RNF220: variants seen among roughly 807,000 people sequenced by gnomAD.
The protein encoded by RNF220 is E3 ubiquitin-protein ligase RNF220.
A neutral mutation model predicts 67.1 loss-of-function variants in RNF220; 7 were observed. That is an observed-to-expected ratio of 0.10 (90% CI 0.06 to 0.20). The LOEUF (loss-of-function observed/expected upper bound fraction) is 0.20, where lower values mean the gene tolerates loss of function less well. RNF220 is among the 10% of genes least tolerant of loss of function. The pLI is 1.00. For synonymous variants in RNF220, 270 were observed against 283.2 expected (o/e 0.95, Z 0.47); for missense variants, 565 against 740.3 (o/e 0.76, Z 2.75).
At chr1:44,509,642 C>T (rs938889996) in intron 2 of RNF220, among the ~76,000 whole-genome samples, 17 of 151,736 alleles carry the variant, frequency 1.1e-4, no homozygotes, top group Admixed American at 4.6e-4. Context: ...AATCCAAGCA[C>T]TTTGGGAGCC....
intron 2 of RNF220, among the ~76,000 whole-genome samples, chr1:44,594,266 C>T (rs1666313588): frequency 6.6e-6 from 1 of 151,896 alleles, no homozygotes. Flanking sequence ...CGCTTTGCCT[C>T]CCCCCCTCCC....
At chr1:44,561,335 C>A (rs1399236503) in intron 2 of RNF220, among the ~76,000 whole-genome samples, 2 of 152,090 alleles carry the variant, frequency 1.3e-5, no homozygotes, top group Admixed American at 1.3e-4. Flanking sequence ...CATGGTGAAA[C>A]CCCATCTCTA....
chr1:44,568,474 T>G (rs928141670), intron 2 of RNF220, among the ~76,000 whole-genome samples: 2 of 152,250 alleles, frequency 1.3e-5, no homozygotes, highest in Non-Finnish European at 2.9e-5. Context: ...CCTAGCACAG[T>G]GCCTGGCCAC....
intron 2 of RNF220, among the ~76,000 whole-genome samples, chr1:44,548,138 C>T (rs558952047): frequency 4.3e-4 from 65 of 152,264 alleles, no homozygotes; most frequent in African/African-American, 1.6e-3. Flanking sequence ...CTGTGGATTC[C>T]TTATCGTCCC....
rs1553208916 is a variant in RNF220 at position 44,405,385 on chromosome 1, T to TGCTGCTGCTGCTGCTGCC, written c.-252_-251insTGCTGCCGCTGCTGCTGC. 3.2e-6 allele frequency: 2 copies of TGCTGCTGCTGCTGCTGCC among 627,400 alleles called. No homozygotes were observed. Among genetic ancestry groups the TGCTGCTGCTGCTGCTGCC allele is most frequent in the East Asian group, 3.3e-5 (1 of 30,686 alleles). The allele number at this position is 627,400 out of a possible 1,614,324, so 38.9% of individuals were successfully genotyped here. ...CCCGGGGCCAGCCGCCTACTGCTGC[T>TGCTGCTGCTGCTGCTGCC]GCTGCTGCTGCCGCTGCCGCCGCCG... On this transcript the variant is annotated 5_prime_UTR_variant, in exon 1 of 15. Transcript: ENST00000361799.
At chr1:44,623,777 A>G (rs968063246) in intron 4 of RNF220, among the ~76,000 whole-genome samples, 20 of 152,172 alleles carry the variant, frequency 1.3e-4, no homozygotes, top group Non-Finnish European at 1.9e-4. Context: ...CAGAGGAGGA[A>G]CACTCAGTGA....
At chr1:44,599,638 A>G (rs1325541691) in intron 2 of RNF220, among the ~76,000 whole-genome samples, 1 of 152,210 alleles carries the variant, frequency 6.6e-6, no homozygotes. Flanking sequence ...CCTGGGCAAA[A>G]GAGTGAGACC....
In RNF220 at chr1:44,649,225, A is replaced by C; in HGVS notation, c.1446-436A>C. On this transcript the variant is annotated intron_variant, in intron 12 of 14. Coordinates refer to ENST00000361799, the MANE Select transcript of RNF220 (RefSeq NM_018150.4). The surrounding 1 kb of genome is among the most constrained non-coding windows in gnomAD (Gnocchi z 5.9). Reference sequence around the variant, plus strand: ...ACCACGAGAGATTTGCTTTGAGAACATAAATTCCTCTAGGCGCTGGGAGAG... The same window carrying C: ...ACCACGAGAGATTTGCTTTGAGAACCTAAATTCCTCTAGGCGCTGGGAGAG... 4.8e-6 allele frequency: 1 copy of C among 208,192 alleles called. No individual in the cohort carries two copies. The highest frequency in any genetic ancestry group is 9.8e-6 in the Non-Finnish European group (1 of 101,558). The allele number at this position is 208,192 out of a possible 1,614,324, so 12.9% of individuals were successfully genotyped here.
rs542526341 is a variant in RNF220 at position 44,650,386 on chromosome 1, C to T, written c.1630-318C>T. The T allele has an allele frequency of 9.9e-4, 470 of 474,216 alleles. 9 individuals are homozygous for T. In the South Asian group the frequency reaches 0.011, roughly 12 times the overall value. 29.4% of individuals were successfully genotyped at this position (474,216 alleles called of 1,614,324 possible). On this transcript the variant is annotated intron_variant, in intron 14 of 14. Transcript: ENST00000361799. The surrounding 1 kb of genome is among the most constrained non-coding windows in gnomAD (Gnocchi z 4.3). Reference sequence around the variant, plus strand: ...CGCCCGGAGACAGTAATAAAAGGCTCGGACGTGGGCTCTGTGTCCTGATCA... The same window carrying T: ...CGCCCGGAGACAGTAATAAAAGGCTTGGACGTGGGCTCTGTGTCCTGATCA...
At chr1:44,573,546 A>C (rs1664596152) in intron 2 of RNF220, among the ~76,000 whole-genome samples, 1 of 152,228 alleles carries the variant, frequency 6.6e-6, no homozygotes, top group African/African-American at 2.4e-5. Flanking sequence ...GCAAGCCTGG[A>C]AGGAAATCAG....
chr1:44,407,421 G>C (rs2147789884), intron 1 of RNF220, among the ~76,000 whole-genome samples: 1 of 152,352 alleles, frequency 6.6e-6, no homozygotes, highest in Non-Finnish European at 1.5e-5. Context: ...GGAATGAGCA[G>C]AGGGGGGAAA....
At chr1:44,526,613 C>T (rs1660399626) in intron 2 of RNF220, among the ~76,000 whole-genome samples, 1 of 152,152 alleles carries the variant, frequency 6.6e-6, no homozygotes, top group African/African-American at 2.4e-5. Flanking sequence ...CAATCTGGCA[C>T]CACCATCTCT....
At chr1:44,593,321 G>C (rs950867035) in intron 2 of RNF220, among the ~76,000 whole-genome samples, 2 of 152,212 alleles carry the variant, frequency 1.3e-5, no homozygotes. Flanking sequence ...ACTATTAGGA[G>C]CCCAAAGTTT....
intron 2 of RNF220, among the ~76,000 whole-genome samples, chr1:44,459,717 G>A (rs1038036009): frequency 1.3e-5 from 2 of 152,112 alleles, no homozygotes; most frequent in African/African-American, 4.8e-5. Context: ...TAGGTGGAGC[G>A]GAACTGCCGA....
chr1:44,610,626 A>C (rs1643253512), intron 2 of RNF220, among the ~76,000 whole-genome samples: 1 of 151,998 alleles, frequency 6.6e-6, no homozygotes, highest in Non-Finnish European at 1.5e-5. Flanking sequence ...AGAGAGGAAC[A>C]CTCGAGAGGA....
intron 2 of RNF220, among the ~76,000 whole-genome samples, chr1:44,575,178 G>A (rs532829825): frequency 8.5e-5 from 13 of 152,066 alleles, no homozygotes; most frequent in South Asian, 6.2e-4. Flanking sequence ...TTCATCACAC[G>A]CACTCCCTGC....
At chr1:44,510,083 A>G (rs1041290648) in intron 2 of RNF220, among the ~76,000 whole-genome samples, 2 of 151,736 alleles carry the variant, frequency 1.3e-5, no homozygotes, top group Non-Finnish European at 2.9e-5. Context: ...ATTAAAAAAT[A>G]AAACAATTAG....
At chr1:44,497,711 A>G (rs1657464166) in intron 2 of RNF220, among the ~76,000 whole-genome samples, 1 of 152,044 alleles carries the variant, frequency 6.6e-6, no homozygotes, top group African/African-American at 2.4e-5. Context: ...GGTACATGCA[A>G]ATCTCTCCAT....
At chr1:44,623,778 C>G (rs928928977) in intron 4 of RNF220, among the ~76,000 whole-genome samples, 25 of 152,184 alleles carry the variant, frequency 1.6e-4, no homozygotes. Context: ...AGAGGAGGAA[C>G]ACTCAGTGAG....
Sources: gnomAD v4.1 joint callset for allele counts (sites outside exome capture counted in the v4.1 genomes callset) on GRCh38, gnomAD v4.1.1 for gene constraint, Gnocchi (gnomAD v3.1) non-coding constraint, MANE v1.5 for transcripts, NCBI Gene and HGNC (gene_info 2026-07-23, HGNC 2026-07-21) for gene names.